Variants in ANXA13 observed in about 807,000 individuals in gnomAD.
ANXA13 encodes annexin A13, also known as annexin XIII.
A neutral mutation model predicts 46.6 loss-of-function variants in ANXA13; 36 were observed. The ratio of observed to expected loss-of-function variants is 0.77; its 90% CI spans 0.59 to 1.02. The LOEUF (loss-of-function observed/expected upper bound fraction) is 1.02. Ranked by LOEUF, ANXA13 falls within the 50% of genes least tolerant of loss-of-function variation. ANXA13 has a pLI of 0.00. For missense variants in ANXA13, 417 were observed against 396.5 expected, an observed-to-expected ratio of 1.05 and a Z score of -0.44; for synonymous variants, 163 against 152.9, an observed-to-expected ratio of 1.07 and a Z score of -0.49.
In ANXA13 at chr8:123,683,801, G is replaced by T. The variant is rs184166505; in HGVS notation, c.831+809C>A. On this transcript the variant is annotated intron_variant, in intron 10 of 10. Coordinates refer to ENST00000419625, the MANE Select transcript of ANXA13 (RefSeq NM_004306.4). The stretch of plus-strand genomic sequence containing the variant: ...GGGGTTTCACCATGTTGGCCAGGCC[G>T]GTCTCGAACTCCTGACCTCAGGCGA... Among the ~76,000 whole-genome samples, 460 of 152,044 alleles carry T rather than the reference G, an allele frequency of 3.0e-3. 3 individuals carry two copies. Among genetic ancestry groups the T allele is most frequent in the African/African-American group, 0.01 (417 of 41,444 alleles).
chr8:123,737,086 C>A (rs1275796780), intron 1 of ANXA13, among the ~76,000 whole-genome samples: 2 of 151,672 alleles, frequency 1.3e-5, no homozygotes, highest in African/African-American at 4.9e-5. Flanking sequence ...ACCTCAAACT[C>A]CTGACCTCAA....
chr8:123,681,021 G>C lies in ANXA13; in HGVS notation c.*219C>G. On this transcript the variant is annotated 3_prime_UTR_variant, in exon 11 of 11. Coordinates refer to ENST00000419625, the MANE Select transcript of ANXA13 (RefSeq NM_004306.4). The stretch of plus-strand genomic sequence containing the variant: ...TAAAAGAAAGTGAAGAGGCAGCCTA[G>C]ATGCTTGCTAAGCCAGAGTTCAAGG... 1 of 528,814 alleles carries C rather than the reference G, an allele frequency of 1.9e-6. No homozygotes were observed. The highest frequency in any genetic ancestry group is 1.9e-5 in the African/African-American group (1 of 53,634). 32.8% of individuals were successfully genotyped at this position (528,814 alleles called of 1,614,324 possible).
chr8:123,681,237 GGCTCAGT>G lies in ANXA13; in HGVS notation c.947_*2del, dbSNP rs1451770385. ...CCCTGTGTTCCTATTGCCCTGGCTTGGCTCAGTGCAAGAGGGCTACTAGCAGTTTCCG... is the reference window on the plus strand; with the variant it reads ...CCCTGTGTTCCTATTGCCCTGGCTTGGCAAGAGGGCTACTAGCAGTTTCCG... On this transcript the variant is annotated stop_lost and 3_prime_UTR_variant, in exon 11 of 11. Coordinates refer to ENST00000419625, the MANE Select transcript of ANXA13 (RefSeq NM_004306.4). The G allele has an allele frequency of 6.2e-7, 1 of 1,606,500 alleles. No individual in the cohort carries two copies. Among genetic ancestry groups the G allele is most frequent in the African/African-American group, 1.3e-5 (1 of 74,656 alleles).
At chr8:123,730,451 T>A (rs912578560) in intron 1 of ANXA13, among the ~76,000 whole-genome samples, 1 of 152,138 alleles carries the variant, frequency 6.6e-6, no homozygotes, top group Admixed American at 6.5e-5. Flanking sequence ...GGAACTCTAA[T>A]GTGCTGAAGT....
intron 10 of ANXA13, among the ~76,000 whole-genome samples, chr8:123,681,829 T>G (rs961089030): frequency 3.3e-5 from 5 of 152,112 alleles, no homozygotes; most frequent in African/African-American, 1.2e-4. Flanking sequence ...TTTCATCATG[T>G]TGGCCAGACT....
rs933954044 is a variant in ANXA13 at position 123,681,261 on chromosome 8, C to T, written c.930G>A (p.Leu310=). ...TGGCTCAGTGCAAGAGGGCTACTAG[C>T]AGTTTCCGGAAGTCCCCGGAGGTAT... ...RSDTSGDFRK[L]LVALLH The change falls in exon 11 of 11, where the codon CTG becomes CTA. Residue 310 remains leucine (L), a synonymous_variant. Coordinates refer to ENST00000419625, the MANE Select transcript of ANXA13 (RefSeq NM_004306.4). 6 of 1,613,904 alleles carry T rather than the reference C, an allele frequency of 3.7e-6. No individual in the cohort carries two copies. Among genetic ancestry groups the T allele is most frequent in the Non-Finnish European group, 4.2e-6 (5 of 1,179,876 alleles).
intron 2 of ANXA13, among the ~76,000 whole-genome samples, chr8:123,708,316 T>C (rs1813583969): frequency 6.6e-6 from 1 of 152,228 alleles, no homozygotes; most frequent in Non-Finnish European, 1.5e-5. Context: ...CGAGAAATTT[T>C]CTGGGAAGAT....
intron 1 of ANXA13, among the ~76,000 whole-genome samples, chr8:123,734,469 A>G (rs1217680572): frequency 6.6e-6 from 1 of 152,144 alleles, no homozygotes; most frequent in Admixed American, 6.5e-5. Context: ...ATGACCCAGT[A>G]TCTTGGTTAC....
At chr8:123,708,975 A>G (rs1040936533) in intron 2 of ANXA13, among the ~76,000 whole-genome samples, 3 of 152,152 alleles carry the variant, frequency 2.0e-5, no homozygotes, top group Non-Finnish European at 4.4e-5. Context: ...GGATAATCAC[A>G]TCTCAGGATC....
chr8:123,703,001 C>G (rs1051537563), intron 2 of ANXA13, among the ~76,000 whole-genome samples: 2 of 152,158 alleles, frequency 1.3e-5, no homozygotes, highest in Admixed American at 6.5e-5. Context: ...TGGCTGGTTC[C>G]TTAATTTTAT....
intron 1 of ANXA13, among the ~76,000 whole-genome samples, chr8:123,719,361 C>T (rs1490506812): frequency 3.3e-5 from 5 of 152,140 alleles, no homozygotes; most frequent in African/African-American, 1.2e-4. Flanking sequence ...TATTTTTCCT[C>T]CCTTATCTTC....
At chr8:123,715,987 T>A (rs554422636) in intron 1 of ANXA13, among the ~76,000 whole-genome samples, 63 of 152,326 alleles carry the variant, frequency 4.1e-4, no homozygotes, top group African/African-American at 1.4e-3. Flanking sequence ...TGTCATTTGA[T>A]CCCAAGTAAC....
At chr8:123,698,313 T>C in intron 4 of ANXA13, 76 bp downstream of exon 4, 2 of 1,509,940 alleles carry the variant, frequency 1.3e-6, no homozygotes, top group Non-Finnish European at 1.8e-6. Context: ...TGCTGGGAAG[T>C]AGGGTCCCTT....
chr8:123,725,951 T>C lies in ANXA13; in HGVS notation c.15+11369A>G, dbSNP rs80188984. ...GCTGGAATGTTACAGAGTTGTTCAT[T>C]GCTGTTGATACCTCCTTTCCAAGAT... On this transcript the variant is annotated intron_variant, in intron 1 of 10. Transcript: ENST00000419625. Among the ~76,000 whole-genome samples the C allele has an allele frequency of 4.4e-3, 674 of 152,348 alleles. 7 individuals are homozygous for C. Among genetic ancestry groups the C allele is most frequent in the African/African-American group, 0.014 (601 of 41,592 alleles).
chr8:123,687,616 A>G (rs932300406), intron 9 of ANXA13, among the ~76,000 whole-genome samples: 4 of 152,208 alleles, frequency 2.6e-5, no homozygotes, highest in African/African-American at 4.8e-5. Flanking sequence ...AAAAAAATCA[A>G]TTGCTGACAT....
At chr8:123,700,462 A>G (rs1813423193) in intron 3 of ANXA13, among the ~76,000 whole-genome samples, 1 of 152,202 alleles carries the variant, frequency 6.6e-6, no homozygotes, top group Admixed American at 6.5e-5. Flanking sequence ...GATCATACCT[A>G]ACATCTTCTA....
At chr8:123,707,755 T>C (rs1813566937) in intron 2 of ANXA13, among the ~76,000 whole-genome samples, 1 of 152,040 alleles carries the variant, frequency 6.6e-6, no homozygotes, top group South Asian at 2.1e-4. Flanking sequence ...GATAACGGGT[T>C]GATGGGTGTA....
At chr8:123,691,591 C>T (rs941968256) in intron 8 of ANXA13, among the ~76,000 whole-genome samples, 1 of 152,146 alleles carries the variant, frequency 6.6e-6, no homozygotes, top group Non-Finnish European at 1.5e-5. Context: ...GTACTATTAT[C>T]CCTATTTTAC....
intron 6 of ANXA13, among the ~76,000 whole-genome samples, chr8:123,695,280 G>T (rs1344226981): frequency 1.3e-5 from 2 of 152,036 alleles, no homozygotes; most frequent in African/African-American, 4.8e-5. Flanking sequence ...AAAAGTGATT[G>T]TAAACTGCAA....
Sources: gnomAD v4.1 joint callset for allele counts (sites outside exome capture counted in the v4.1 genomes callset) on GRCh38, gnomAD v4.1.1 for gene constraint, MANE v1.5 for transcripts, NCBI Gene and HGNC (gene_info 2026-07-23, HGNC 2026-07-21) for gene names.